PTPRR: variants seen among roughly 807,000 people sequenced by gnomAD.
PTPRR encodes receptor-type tyrosine-protein phosphatase R.
In PTPRR, 38 loss-of-function variants were observed where a neutral mutation model predicts 77.2. That is an observed-to-expected ratio of 0.49 (90% CI 0.38 to 0.65). The LOEUF is 0.65. PTPRR is among the 30% of genes least tolerant of loss of function. PTPRR has a pLI of 0.00. For missense variants in PTPRR, 744 were observed against 799.2 expected (o/e 0.93, Z 0.83); for synonymous variants, 299 against 283.1 (o/e 1.06, Z -0.57).
intron 2 of PTPRR, among the ~76,000 whole-genome samples, chr12:70,865,532 GA>G (rs1892828991): frequency 6.6e-6 from 1 of 152,070 alleles, no homozygotes; most frequent in Non-Finnish European, 1.5e-5. Flanking sequence ...AAGGCTGAGA[GA>G]GTCAGGCAGA....
chr12:70,803,110 T>G (rs1286271324), intron 2 of PTPRR, among the ~76,000 whole-genome samples: 1 of 152,136 alleles, frequency 6.6e-6, no homozygotes, highest in Non-Finnish European at 1.5e-5. Context: ...GAAAAATAAA[T>G]TTTTGATTCA....
At chr12:70,919,287 G>A (rs1893818212) in intron 1 of PTPRR, among the ~76,000 whole-genome samples, 1 of 152,158 alleles carries the variant, frequency 6.6e-6, no homozygotes, top group African/African-American at 2.4e-5. Flanking sequence ...TGTGTGATTG[G>A]ATGAGAAGCA....
intron 6 of PTPRR, among the ~76,000 whole-genome samples, chr12:70,734,876 G>T (rs1054520965): frequency 6.6e-6 from 1 of 152,048 alleles, no homozygotes; most frequent in Non-Finnish European, 1.5e-5. Flanking sequence ...AATAATATAT[G>T]TTGGCTCCTG....
chr12:70,864,131 T>C (rs558151600), intron 2 of PTPRR, among the ~76,000 whole-genome samples: 44 of 152,186 alleles, frequency 2.9e-4, no homozygotes, highest in Admixed American at 3.3e-4. Flanking sequence ...TTCTCTTCTA[T>C]CTCCCAGTGA....
rs531327938 is a variant in PTPRR at position 70,826,835 on chromosome 12, A to G, written c.358-62057T>C. On this transcript the variant is annotated intron_variant, in intron 2 of 13. Coordinates refer to ENST00000283228, the MANE Select transcript of PTPRR (RefSeq NM_002849.4). ...ATCTAAAATCCTTGCCTCATCCTCA[A>G]GGCTCTATTGGATCTGATCCCTCCT... Among the ~76,000 whole-genome samples the G allele has an allele frequency of 7.9e-5, 12 of 152,286 alleles. No homozygotes were observed. In the East Asian group the frequency reaches 2.3e-3, roughly 29 times the overall value.
intron 2 of PTPRR, 140 bp downstream of exon 2, chr12:70,892,539 G>A: frequency 2.9e-6 from 3 of 1,020,692 alleles, no homozygotes; most frequent in Non-Finnish European, 4.2e-6. Context: ...GAAATTAGAA[G>A]TACCACAGAA....
intron 1 of PTPRR, among the ~76,000 whole-genome samples, chr12:70,910,606 TTAG>T (rs1893686176): frequency 6.6e-6 from 1 of 152,256 alleles, no homozygotes; most frequent in East Asian, 1.9e-4. Flanking sequence ...ATGCTCAGAT[TTAG>T]GAGTTACAAA....
At position 70,829,870 on chromosome 12, in the gene PTPRR, C is replaced by T. The variant is rs190257121; in HGVS notation, c.357+62809G>A. On this transcript the variant is annotated intron_variant, in intron 2 of 13. Transcript: ENST00000283228. Reference sequence around the variant, plus strand: ...AATGATTTTCTACATTAGTATCAAGCTTTATAAGGTGCTTCCTAAGAACAA... The same window carrying T: ...AATGATTTTCTACATTAGTATCAAGTTTTATAAGGTGCTTCCTAAGAACAA... 5.9e-5 allele frequency among the ~76,000 whole-genome samples: 9 copies of T among 152,260 alleles called. No individual in the cohort carries two copies. In the East Asian group the frequency reaches 1.7e-3, roughly 29 times the overall value.
intron 6 of PTPRR, among the ~76,000 whole-genome samples, chr12:70,735,767 AAGATGGGCAT>A (rs1418504192): frequency 1.3e-4 from 20 of 152,174 alleles, no homozygotes; most frequent in Non-Finnish European, 2.9e-4. Context: ...GCATAACTGC[AAGATGGGCAT>A]AGAAATACTG....
intron 8 of PTPRR, among the ~76,000 whole-genome samples, chr12:70,697,620 A>C (rs774872298): frequency 6.6e-6 from 1 of 152,120 alleles, no homozygotes; most frequent in Non-Finnish European, 1.5e-5. Flanking sequence ...TTATCTAAGA[A>C]ACCACTGACT....
intron 6 of PTPRR, among the ~76,000 whole-genome samples, chr12:70,714,082 G>A (rs1002379310): frequency 4.6e-5 from 7 of 151,948 alleles, no homozygotes; most frequent in African/African-American, 1.7e-4. Flanking sequence ...TTATTCTGAA[G>A]TAGATACCTG....
chr12:70,677,974 T>C (rs1224773768), intron 10 of PTPRR, among the ~76,000 whole-genome samples: 1 of 152,170 alleles, frequency 6.6e-6, no homozygotes, highest in Non-Finnish European at 1.5e-5. Flanking sequence ...TTGAGGAGAA[T>C]TGGTATTCTT....
At chr12:70,655,398 T>C (rs1407785154) in intron 13 of PTPRR, among the ~76,000 whole-genome samples, 2 of 152,258 alleles carry the variant, frequency 1.3e-5, no homozygotes, top group Non-Finnish European at 2.9e-5. Context: ...TTTGGGTATA[T>C]ACTCAAAAGA....
intron 6 of PTPRR, among the ~76,000 whole-genome samples, chr12:70,722,456 G>T (rs12825218): frequency 0.038 from 5,748 of 152,166 alleles, 134 homozygotes; most frequent in Non-Finnish European, 0.056. Context: ...AAAAGAGTTC[G>T]CAAGGCTAGT....
intron 10 of PTPRR, among the ~76,000 whole-genome samples, chr12:70,679,277 T>C (rs571101752): frequency 6.6e-6 from 1 of 152,372 alleles, no homozygotes; most frequent in African/African-American, 2.4e-5. Flanking sequence ...TATAACATTG[T>C]GGTCAGAAAA....
chr12:70,712,507 A>G (rs933511329), intron 6 of PTPRR, among the ~76,000 whole-genome samples: 61 of 150,830 alleles, frequency 4.0e-4, no homozygotes, highest in African/African-American at 1.4e-3. Context: ...AAAATCAAAT[A>G]GCCATTCACT....
At chr12:70,690,886 T>C (rs1888032114) in intron 8 of PTPRR, among the ~76,000 whole-genome samples, 1 of 152,222 alleles carries the variant, frequency 6.6e-6, no homozygotes, top group South Asian at 2.1e-4. Context: ...TCTTTATGAT[T>C]TCTTTGACCT....
chr12:70,735,413 AGG>A (rs1325349805), intron 6 of PTPRR, among the ~76,000 whole-genome samples: 1 of 152,168 alleles, frequency 6.6e-6, no homozygotes, highest in Non-Finnish European at 1.5e-5. Flanking sequence ...AGTGTGTGCA[AGG>A]GACCTGCCCT....
intron 2 of PTPRR, among the ~76,000 whole-genome samples, chr12:70,781,591 G>A (rs914709876): frequency 2.6e-5 from 4 of 152,150 alleles, no homozygotes; most frequent in South Asian, 2.1e-4. Flanking sequence ...ATGCCAAAGC[G>A]TTATTGAGTA....
Sources: allele counts gnomAD v4.1 joint callset (sites outside exome capture counted in the v4.1 genomes callset), GRCh38; gene constraint gnomAD v4.1.1; transcripts MANE v1.5; gene names NCBI Gene and HGNC (gene_info 2026-07-23, HGNC 2026-07-21).